DLGAP1: variants seen among roughly 807,000 people sequenced by gnomAD.
DLGAP1 encodes disks large-associated protein 1.
A neutral mutation model predicts 90.8 loss-of-function variants in DLGAP1; 11 were observed. The observed-to-expected ratio is 0.12, with a 90% confidence interval of 0.08 to 0.20. The LOEUF (loss-of-function observed/expected upper bound fraction) is 0.20, where lower values mean the gene tolerates loss of function less well. Ranked by LOEUF, DLGAP1 falls within the 10% of genes least tolerant of loss-of-function variation. DLGAP1 has a pLI of 1.00. For synonymous variants in DLGAP1, 558 were observed against 540.7 expected, an observed-to-expected ratio of 1.03 and a Z score of -0.44; for missense variants, 1,050 against 1,333.8, an observed-to-expected ratio of 0.79 and a Z score of 3.31.
intron 7 of DLGAP1, among the ~76,000 whole-genome samples, chr18:3,644,665 G>A (rs1008546910): frequency 3.9e-5 from 6 of 151,982 alleles, no homozygotes; most frequent in Admixed American, 2.0e-4. Context: ...CACCCGCCTC[G>A]GCCTCCCAAA....
intron 9 of DLGAP1, among the ~76,000 whole-genome samples, chr18:3,552,865 A>G (rs899063780): frequency 1.1e-4 from 17 of 152,200 alleles, no homozygotes; most frequent in African/African-American, 3.4e-4. Flanking sequence ...ATGGGATTAC[A>G]TCTTGGATTC....
rs898155072 is a variant in DLGAP1 at position 3,815,755 on chromosome 18, C to T, written c.958-1482G>A. Among the ~76,000 whole-genome samples, 7 of 151,866 alleles carry T rather than the reference C, an allele frequency of 4.6e-5. 1 individual carries two copies. The Middle Eastern group carries it at 0.01, about 221-fold the overall frequency. ...CTCATTCCTTCTTCATTTTTCATGA[C>T]GTGAAAAAAAATGCATAATAACCAC... On this transcript the variant is annotated intron_variant, in intron 4 of 12. Transcript: ENST00000315677.
chr18:3,566,967 T>C (rs943297662), intron 9 of DLGAP1, among the ~76,000 whole-genome samples: 13 of 152,084 alleles, frequency 8.5e-5, no homozygotes, highest in Admixed American at 2.0e-4. Context: ...CATTTATAGA[T>C]ACTAAGGCTC....
At chr18:4,302,325 C>T (rs1358491452) in intron 1 of DLGAP1, among the ~76,000 whole-genome samples, 1 of 151,970 alleles carries the variant, frequency 6.6e-6, no homozygotes, top group Non-Finnish European at 1.5e-5. Context: ...TTTGTATATG[C>T]TGTGAGATAA....
At chr18:3,613,962 G>A (rs2057742393) in intron 7 of DLGAP1, among the ~76,000 whole-genome samples, 1 of 150,976 alleles carries the variant, frequency 6.6e-6, no homozygotes, top group African/African-American at 2.4e-5. Flanking sequence ...TCCCTCTTTT[G>A]CCCAGGCTGG....
intron 1 of DLGAP1, among the ~76,000 whole-genome samples, chr18:4,286,812 TAAAAG>T (rs1446103073): frequency 6.6e-6 from 1 of 151,922 alleles, no homozygotes; most frequent in Non-Finnish European, 1.5e-5. Context: ...GGGAGGATCT[TAAAAG>T]AAAAAAGATA....
chr18:3,634,464 C>T (rs2058629010), intron 7 of DLGAP1, among the ~76,000 whole-genome samples: 1 of 152,136 alleles, frequency 6.6e-6, no homozygotes, highest in Non-Finnish European at 1.5e-5. Flanking sequence ...CCTGGCTTGA[C>T]TCATCACTGG....
chr18:3,640,467 G>A (rs904738056), intron 7 of DLGAP1, among the ~76,000 whole-genome samples: 4 of 152,202 alleles, frequency 2.6e-5, no homozygotes, highest in Non-Finnish European at 2.9e-5. Flanking sequence ...AGCTCAGGTC[G>A]GAAATGAATT....
At chr18:4,309,351 C>T (rs1260030395) in intron 1 of DLGAP1, among the ~76,000 whole-genome samples, 4 of 152,088 alleles carry the variant, frequency 2.6e-5, no homozygotes, top group African/African-American at 9.7e-5. Context: ...TTTTGTGGGT[C>T]AGGTGAGAAA....
chr18:3,641,576 CAT>C lies in DLGAP1; in HGVS notation c.1592-59330_1592-59329del, dbSNP rs796432634. Among the ~76,000 whole-genome samples, 306 of 130,174 alleles carry C rather than the reference CAT, an allele frequency of 2.4e-3. 1 individual carries two copies. Among genetic ancestry groups the C allele is most frequent in the African/African-American group, 6.6e-3 (208 of 31,672 alleles). The allele number at this position is 130,174 out of a possible 152,430, so 85.4% of individuals were successfully genotyped here. A position where few individuals can be genotyped will look rare whatever the true frequency, so the allele number is the denominator to read the frequency against. ...AAAAAAGAACATAAGACAATGTACACATATATATATACACACACACACACACA... is the reference window on the plus strand; with the variant it reads ...AAAAAAGAACATAAGACAATGTACACATATATATACACACACACACACACA... On this transcript the variant is annotated intron_variant, in intron 7 of 12. Coordinates refer to ENST00000315677, the MANE Select transcript of DLGAP1 (RefSeq NM_004746.4).
Position 3,534,668 on chromosome 18 carries a change from T to A in DLGAP1, c.2058-53A>T. On this transcript the variant is annotated intron_variant, in intron 9 of 12. Transcript: ENST00000315677. ...GTTAGAGGATATTTCTTTCTTTCCT[T>A]CCTTCCTTCCTTCCTTCCTTTCTTT... is the stretch of plus-strand genomic sequence containing the variant. 2.2e-6 allele frequency: 3 copies of A among 1,362,162 alleles called. No homozygotes were observed. In the South Asian group the frequency reaches 4.6e-5, roughly 21 times the overall value. 84.4% of individuals were successfully genotyped at this position (1,362,162 alleles called of 1,614,324 possible).
intron 3 of DLGAP1, among the ~76,000 whole-genome samples, chr18:3,928,262 G>T (rs1224071451): frequency 6.6e-6 from 1 of 152,162 alleles, no homozygotes. Context: ...CTAGGTATCT[G>T]GTTTATGGAA....
chr18:3,861,722 C>A (rs1410494176), intron 4 of DLGAP1, among the ~76,000 whole-genome samples: 1 of 152,242 alleles, frequency 6.6e-6, no homozygotes, highest in Non-Finnish European at 1.5e-5. Context: ...GCAATCTCAG[C>A]AGTTCTGCTT....
intron 1 of DLGAP1, among the ~76,000 whole-genome samples, chr18:4,377,825 T>C (rs1228403949): frequency 1.3e-5 from 2 of 152,038 alleles, no homozygotes; most frequent in African/African-American, 2.4e-5. Context: ...AACTTGGCTG[T>C]ATTAATAAAG....
At chr18:3,545,130 C>T (rs2052938991) in intron 9 of DLGAP1, among the ~76,000 whole-genome samples, 1 of 151,678 alleles carries the variant, frequency 6.6e-6, no homozygotes, top group Admixed American at 6.6e-5. Flanking sequence ...AAAAATTAGC[C>T]AGGAGTGGTG....
intron 4 of DLGAP1, chr18:3,821,771 T>C (rs1202435482): frequency 1.3e-5 from 5 of 380,884 alleles, no homozygotes; most frequent in Non-Finnish European, 1.8e-5. Context: ...AACAGCGTTT[T>C]AGCATTTGTA....
intron 7 of DLGAP1, among the ~76,000 whole-genome samples, chr18:3,608,992 C>T (rs1341501065): frequency 3.3e-5 from 5 of 152,150 alleles, no homozygotes; most frequent in Admixed American, 2.0e-4. Flanking sequence ...TGTGCCACCA[C>T]GCCTGGCTAA....
chr18:4,293,940 T>C lies in DLGAP1; in HGVS notation c.-266-142653A>G, dbSNP rs534921802. 2.6e-5 allele frequency: 4 copies of C among 152,358 alleles called. No individual in the cohort carries two copies. In the South Asian group the frequency reaches 8.3e-4, roughly 32 times the overall value. 9.4% of individuals were successfully genotyped at this position (152,358 alleles called of 1,614,324 possible). A position where few individuals can be genotyped will look rare whatever the true frequency, so the allele number is the denominator to read the frequency against. On this transcript the variant is annotated intron_variant, in intron 1 of 12. Coordinates refer to ENST00000315677, the MANE Select transcript of DLGAP1 (RefSeq NM_004746.4). Reference sequence around the variant, plus strand: ...CCTACCTGCCAAAACTTTGTATCTTTTAAACTTGGTATTCTACTTCTTTCT... The same window carrying C: ...CCTACCTGCCAAAACTTTGTATCTTCTAAACTTGGTATTCTACTTCTTTCT...
chr18:4,365,215 A>G (rs1331315037), intron 1 of DLGAP1, among the ~76,000 whole-genome samples: 1 of 152,208 alleles, frequency 6.6e-6, no homozygotes, highest in Non-Finnish European at 1.5e-5. Flanking sequence ...CGCTAAGAGA[A>G]AATTTACAGT....
Sources: allele counts gnomAD v4.1 joint callset (sites outside exome capture counted in the v4.1 genomes callset), GRCh38; gene constraint gnomAD v4.1.1; transcripts MANE v1.5; gene names NCBI Gene and HGNC (gene_info 2026-07-23, HGNC 2026-07-21).